The following RIT2 variants were observed in gnomAD, a reference collection of about 807,000 sequenced individuals.
The protein encoded by RIT2 is Ras like without CAAX 2.
A neutral mutation model predicts 23.7 loss-of-function variants in RIT2; 24 were observed. That is an observed-to-expected ratio of 1.01 (90% CI 0.73 to 1.43). The LOEUF (loss-of-function observed/expected upper bound fraction) is 1.43, where lower values mean the gene tolerates loss of function less well. RIT2 is among the 40% of genes most tolerant of loss of function. The pLI is 0.00. For missense variants in RIT2, 236 were observed against 266.9 expected (o/e 0.88, Z 0.81); for synonymous variants, 107 against 91.1 (o/e 1.17, Z -0.99).
chr18:42,779,743 G>C (rs1339622582), intron 4 of RIT2, among the ~76,000 whole-genome samples: 2 of 152,156 alleles, frequency 1.3e-5, no homozygotes, highest in Non-Finnish European at 2.9e-5. Flanking sequence ...TTCTATGAGA[G>C]AAGTCAATGT....
intron 2 of RIT2, among the ~76,000 whole-genome samples, chr18:42,979,769 C>A (rs527971128): frequency 1.8e-4 from 28 of 152,252 alleles, no homozygotes; most frequent in African/African-American, 6.7e-4. Flanking sequence ...GTGCTGCACA[C>A]TCAGATGGCA....
At chr18:43,012,721 A>G (rs4482386) in intron 2 of RIT2, among the ~76,000 whole-genome samples, 145,568 of 151,562 alleles carry the variant, frequency 0.96, 70,163 homozygotes, top group East Asian at 1. Flanking sequence ...TTTTTATTCA[A>G]CATTTATCTA....
At chr18:42,833,983 T>C (rs1226329494) in intron 4 of RIT2, among the ~76,000 whole-genome samples, 4 of 152,180 alleles carry the variant, frequency 2.6e-5, no homozygotes, top group Non-Finnish European at 5.9e-5. Flanking sequence ...CTATTGATTT[T>C]AGACTTTTCA....
chr18:43,057,798 C>CTTTTTTTTTT lies in RIT2; in HGVS notation c.104-23941_104-23932dup, dbSNP rs11393575. Among the ~76,000 whole-genome samples, 953 of 122,494 alleles carry CTTTTTTTTTT rather than the reference C, an allele frequency of 7.8e-3. 66 individuals are homozygous for CTTTTTTTTTT. Among genetic ancestry groups the CTTTTTTTTTT allele is most frequent in the African/African-American group, 0.025 (811 of 32,814 alleles). The allele number at this position is 122,494 out of a possible 152,430, so 80.4% of individuals were successfully genotyped here. A position where few individuals can be genotyped will look rare whatever the true frequency, so the allele number is the denominator to read the frequency against. On this transcript the variant is annotated intron_variant, in intron 1 of 4. Coordinates refer to ENST00000326695, the MANE Select transcript of RIT2 (RefSeq NM_002930.4). ...GAGCTAATCTTCCAAGTGATGGACACTTTTTTTTTTTTTTTTTATCATCTA... is the reference window on the plus strand; with the variant it reads ...GAGCTAATCTTCCAAGTGATGGACACTTTTTTTTTTTTTTTTTTTTTTTTTTTATCATCTA...
intron 4 of RIT2, chr18:42,920,692 C>G (rs1256241357): frequency 6.3e-7 from 1 of 1,587,156 alleles, no homozygotes; most frequent in Non-Finnish European, 8.5e-7. Context: ...GGCACCTATT[C>G]TTACCAAATA....
chr18:43,043,786 C>T lies in RIT2; in HGVS notation c.104-9919G>A, dbSNP rs553044368. On this transcript the variant is annotated intron_variant, in intron 1 of 4. Coordinates refer to ENST00000326695, the MANE Select transcript of RIT2 (RefSeq NM_002930.4). ...TGCACTCCAGCCTGGGCAACAAGAG[C>T]GAAACTCCGTCTCAAACAAACAAAT... Among the ~76,000 whole-genome samples, 528 of 151,568 alleles carry T rather than the reference C, an allele frequency of 3.5e-3. 1 individual carries two copies. Among genetic ancestry groups the T allele is most frequent in the Non-Finnish European group, 5.1e-3 (348 of 67,892 alleles).
intron 1 of RIT2, among the ~76,000 whole-genome samples, chr18:43,065,845 G>A (rs1422758086): frequency 2.0e-5 from 3 of 152,074 alleles, no homozygotes; most frequent in African/African-American, 7.2e-5. Context: ...AGTGGTAGGT[G>A]GAAAACTTCA....
At chr18:43,084,662 C>G (rs538638830) in intron 1 of RIT2, among the ~76,000 whole-genome samples, 1 of 152,132 alleles carries the variant, frequency 6.6e-6, no homozygotes, top group Admixed American at 6.6e-5. Flanking sequence ...TGTTCTCTCT[C>G]ACAAGTGGGA....
intron 4 of RIT2, among the ~76,000 whole-genome samples, chr18:42,800,418 A>C (rs1268292801): frequency 6.6e-6 from 1 of 152,148 alleles, no homozygotes; most frequent in Non-Finnish European, 1.5e-5. Context: ...ACCATTATAC[A>C]CATTGATTTG....
intron 1 of RIT2, among the ~76,000 whole-genome samples, chr18:43,104,188 A>C (rs1568083381): frequency 1.3e-5 from 2 of 152,234 alleles, no homozygotes; most frequent in Non-Finnish European, 1.5e-5. Context: ...TCAGGCATAG[A>C]AAGATAAATA....
At chr18:42,870,599 T>A (rs760206025) in intron 4 of RIT2, among the ~76,000 whole-genome samples, 1 of 152,132 alleles carries the variant, frequency 6.6e-6, no homozygotes, top group Non-Finnish European at 1.5e-5. Context: ...GAAATCCTTT[T>A]GAAACAAGGA....
intron 1 of RIT2, among the ~76,000 whole-genome samples, chr18:43,077,098 G>A (rs1913042319): frequency 4.3e-5 from 3 of 70,396 alleles, no homozygotes; most frequent in South Asian, 5.9e-4. Context: ...GCGAGACTCC[G>A]TCTCAAAAAA....
At chr18:42,834,578 T>C (rs960709298) in intron 4 of RIT2, among the ~76,000 whole-genome samples, 1 of 151,974 alleles carries the variant, frequency 6.6e-6, no homozygotes, top group Non-Finnish European at 1.5e-5. Context: ...CATACACACA[T>C]ACTTCTATGA....
At chr18:42,906,097 T>A (rs907970323) in intron 4 of RIT2, among the ~76,000 whole-genome samples, 2 of 149,988 alleles carry the variant, frequency 1.3e-5, no homozygotes, top group African/African-American at 4.9e-5. Flanking sequence ...AAGCCTTATA[T>A]CTCTTGACAT....
At chr18:43,067,014 A>C (rs2144330539) in intron 1 of RIT2, among the ~76,000 whole-genome samples, 1 of 151,944 alleles carries the variant, frequency 6.6e-6, no homozygotes, top group South Asian at 2.1e-4. Flanking sequence ...GACATGACAT[A>C]GTTGACTTGG....
intron 4 of RIT2, among the ~76,000 whole-genome samples, chr18:42,897,778 G>A (rs1908370434): frequency 6.6e-6 from 1 of 152,106 alleles, no homozygotes; most frequent in African/African-American, 2.4e-5. Flanking sequence ...AAAAGGATTA[G>A]CAACACTGGT....
At chr18:42,783,288 TG>T (rs528519468) in intron 4 of RIT2, among the ~76,000 whole-genome samples, 2 of 152,114 alleles carry the variant, frequency 1.3e-5, no homozygotes, top group South Asian at 4.2e-4. Flanking sequence ...GTCATTGATA[TG>T]TGGGCAGAAA....
At chr18:43,060,415 A>G (rs1468762041) in intron 1 of RIT2, among the ~76,000 whole-genome samples, 1 of 152,156 alleles carries the variant, frequency 6.6e-6, no homozygotes, top group Non-Finnish European at 1.5e-5. Flanking sequence ...CAATACAGTC[A>G]CAATGACACC....
At chr18:42,777,907 A>C (rs1159246334) in intron 4 of RIT2, among the ~76,000 whole-genome samples, 1 of 152,236 alleles carries the variant, frequency 6.6e-6, no homozygotes, top group Non-Finnish European at 1.5e-5. Context: ...ATATATTTAA[A>C]AACATACTTC....
Sources: gnomAD v4.1 joint callset for allele counts (sites outside exome capture counted in the v4.1 genomes callset) on GRCh38, gnomAD v4.1.1 for gene constraint, MANE v1.5 for transcripts, NCBI Gene and HGNC (gene_info 2026-07-23, HGNC 2026-07-21) for gene names.